The following NTAQ1 variants were observed in gnomAD, a reference collection of about 807,000 sequenced individuals.
NTAQ1 encodes the protein protein N-terminal glutamine amidohydrolase.
NTAQ1 carries 21 observed loss-of-function variants against 28.2 expected under a neutral mutation model. That is an observed-to-expected ratio of 0.74 (90% CI 0.53 to 1.07). NTAQ1 has a LOEUF of 1.07. NTAQ1 is among the 50% of genes least tolerant of loss of function. The pLI is 0.00. For missense variants in NTAQ1, 264 were observed against 256.6 expected, an observed-to-expected ratio of 1.03 and a Z score of -0.20; for synonymous variants, 105 against 90.0, an observed-to-expected ratio of 1.17 and a Z score of -0.94.
downstream of NTAQ1, among the ~76,000 whole-genome samples, chr8:123,474,428 C>A (rs1409240974): frequency 6.6e-6 from 1 of 152,080 alleles, no homozygotes; most frequent in Non-Finnish European, 1.5e-5. Context: ...GGCAAGAATA[C>A]CTCAGAAGTA....
chr8:123,431,170 T>A (rs950408004), intron 3 of NTAQ1, among the ~76,000 whole-genome samples: 3 of 151,968 alleles, frequency 2.0e-5, no homozygotes, highest in African/African-American at 7.3e-5. Context: ...AAACCCCGTC[T>A]CTACTAAAGT....
chr8:123,462,052 T>A (rs535183685), intron 6 of NTAQ1, among the ~76,000 whole-genome samples: 5 of 152,302 alleles, frequency 3.3e-5, no homozygotes, highest in East Asian at 1.9e-4. Context: ...GTTTTCTTTT[T>A]AAAAATTTTT....
chr8:123,438,025 C>T, intron 5 of NTAQ1: 2 of 597,112 alleles, frequency 3.3e-6, no homozygotes, highest in South Asian at 2.0e-5. Context: ...CCCATTGCAT[C>T]CTTATGATGT....
chr8:123,449,950 C>CATAT (rs529123810), downstream of NTAQ1, among the ~76,000 whole-genome samples: 113 of 42,872 alleles, frequency 2.6e-3, 19 homozygotes, highest in African/African-American at 0.01. Flanking sequence ...TGTGTGTGTG[C>CATAT]ATATATATAT....
intron 1 of NTAQ1, among the ~76,000 whole-genome samples, chr8:123,427,617 T>G (rs1314603684): frequency 6.6e-6 from 1 of 152,182 alleles, no homozygotes; most frequent in Non-Finnish European, 1.5e-5. Flanking sequence ...ATTTCAGCTG[T>G]ATTACAAGTT....
downstream of NTAQ1, among the ~76,000 whole-genome samples, chr8:123,443,694 C>T (rs1416106582): frequency 6.6e-6 from 1 of 152,198 alleles, no homozygotes; most frequent in African/African-American, 2.4e-5. Flanking sequence ...CCCACCTCAG[C>T]CTTCTGAGTA....
chr8:123,449,949 G>GTGTGTT, downstream of NTAQ1, among the ~76,000 whole-genome samples: 1 of 8,222 alleles, frequency 1.2e-4, no homozygotes, highest in Non-Finnish European at 3.9e-4. Context: ...GTGTGTGTGT[G>GTGTGTT]CATATATATA....
chr8:123,444,932 G>A (rs981977509), downstream of NTAQ1, among the ~76,000 whole-genome samples: 1 of 152,162 alleles, frequency 6.6e-6, no homozygotes, highest in Non-Finnish European at 1.5e-5. Context: ...CAGTAGAACT[G>A]GCTATCCCTG....
chr8:123,455,924 C>A (rs1464041244), intron 6 of NTAQ1, among the ~76,000 whole-genome samples: 1 of 152,102 alleles, frequency 6.6e-6, no homozygotes, highest in African/African-American at 2.4e-5. Context: ...CAGAAAGTGG[C>A]AAGAGAGGTC....
At chr8:123,467,907 TC>T (rs1369644208) in exon 7 of NTAQ1, among the ~76,000 whole-genome samples, 6 of 152,150 alleles carry the variant, frequency 3.9e-5, no homozygotes, top group Non-Finnish European at 5.9e-5. Flanking sequence ...CAGCCACCAC[TC>T]CCCGCTAATT....
chr8:123,426,676 A>G (rs908121838), intron 1 of NTAQ1, among the ~76,000 whole-genome samples: 2 of 152,054 alleles, frequency 1.3e-5, no homozygotes, highest in African/African-American at 4.8e-5. Context: ...AAAAATAAGC[A>G]TAGGCTGGGC....
intron 3 of NTAQ1, among the ~76,000 whole-genome samples, chr8:123,431,103 C>T (rs779879007): frequency 1.3e-5 from 2 of 151,972 alleles, no homozygotes; most frequent in Admixed American, 6.6e-5. Context: ...TTTGGGAGGC[C>T]GAGGTGGGTG....
downstream of NTAQ1, among the ~76,000 whole-genome samples, chr8:123,452,794 C>G (rs1020834270): frequency 2.0e-5 from 3 of 151,972 alleles, no homozygotes; most frequent in Non-Finnish European, 4.4e-5. Flanking sequence ...GTAATCCCAG[C>G]TACTCGGGAG....
downstream of NTAQ1, among the ~76,000 whole-genome samples, chr8:123,444,415 G>A (rs905545980): frequency 1.3e-5 from 2 of 152,224 alleles, no homozygotes; most frequent in African/African-American, 2.4e-5. Flanking sequence ...GGCCAGGCTA[G>A]TCTCGAACTC....
chr8:123,416,795 A>G lies in NTAQ1; in HGVS notation c.-55A>G, dbSNP rs1813317079. On this transcript the variant is annotated 5_prime_UTR_variant, in exon 1 of 6. Coordinates refer to ENST00000287387, the MANE Select transcript of NTAQ1 (RefSeq NM_018024.3). ...GGCCACTACAAGCCCGCCCTTTCCT[A>G]CGTCTGGTCCAGTCGGTCTTCCTCC... The G allele has an allele frequency of 6.8e-7, 1 of 1,476,400 alleles. No individual in the cohort carries two copies. Among genetic ancestry groups the G allele is most frequent in the South Asian group, 1.3e-5 (1 of 77,744 alleles). The allele number at this position is 1,476,400 out of a possible 1,614,324, so 91.5% of individuals were successfully genotyped here.
At chr8:123,419,431 C>G (rs1290042429) in intron 1 of NTAQ1, among the ~76,000 whole-genome samples, 2 of 152,038 alleles carry the variant, frequency 1.3e-5, no homozygotes, top group Non-Finnish European at 2.9e-5. Flanking sequence ...AAATGAATGC[C>G]TCCTGTCTAC....
At chr8:123,452,731 G>A (rs191671588), downstream of NTAQ1, among the ~76,000 whole-genome samples, 282 of 141,172 alleles carry the variant, frequency 2.0e-3, 1 homozygote, top group Non-Finnish European at 3.5e-3. Flanking sequence ...GAGAAACCCC[G>A]TCTTTACTAA....
At chr8:123,456,643 G>C (rs1245879066) in intron 6 of NTAQ1, among the ~76,000 whole-genome samples, 1 of 152,204 alleles carries the variant, frequency 6.6e-6, no homozygotes, top group Non-Finnish European at 1.5e-5. Flanking sequence ...GGAAACAAGA[G>C]ATAGTTATGC....
chr8:123,463,797 A>G (rs1334214127), intron 6 of NTAQ1, among the ~76,000 whole-genome samples: 2 of 152,186 alleles, frequency 1.3e-5, no homozygotes, highest in East Asian at 1.9e-4. Flanking sequence ...GCCAATCCCC[A>G]GAGACCTCTA....
Sources: allele counts gnomAD v4.1 joint callset (sites outside exome capture counted in the v4.1 genomes callset), GRCh38; gene constraint gnomAD v4.1.1; transcripts MANE v1.5; gene names NCBI Gene and HGNC (gene_info 2026-07-23, HGNC 2026-07-21).